The following FANCI variants were observed in gnomAD, a reference collection of about 807,000 sequenced individuals.
FANCI encodes the protein FA complementation group I, also known as Fanconi anemia group I protein.
A neutral mutation model predicts 176.1 loss-of-function variants in FANCI; 156 were observed. The ratio of observed to expected loss-of-function variants is 0.89; its 90% CI spans 0.78 to 1.01. The LOEUF is 1.01. Among genes scored for constraint, FANCI ranks in the 50% least tolerant of loss-of-function variants. FANCI has a pLI of 0.00. For synonymous variants in FANCI, 613 were observed against 541.7 expected, an observed-to-expected ratio of 1.13 and a Z score of -1.83; for missense variants, 1,678 against 1,534.1, an observed-to-expected ratio of 1.09 and a Z score of -1.57.
chr15:89,294,343 G>C lies in FANCI; in HGVS notation c.2456+346G>C, dbSNP rs1247670197. Among the ~76,000 whole-genome samples the C allele has an allele frequency of 5.3e-5, 8 of 152,060 alleles. No homozygotes were observed. The East Asian group carries it at 1.5e-3, about 29-fold the overall frequency. On this transcript the variant is annotated intron_variant, in intron 23 of 37. Coordinates refer to ENST00000310775, the MANE Select transcript of FANCI (RefSeq NM_001113378.2). ...CTCACTCCTGTAATCCCAGTACTTTGGTAGACTGAGGTGGGTGGATCACCT... is the reference window on the plus strand; with the variant it reads ...CTCACTCCTGTAATCCCAGTACTTTCGTAGACTGAGGTGGGTGGATCACCT...
At chr15:89,278,881 A>G (rs2053504389) in intron 14 of FANCI, 107 bp downstream of exon 14, 4 of 787,260 alleles carry the variant, frequency 5.1e-6, no homozygotes, top group East Asian at 5.3e-5. Context: ...TAAATGCAGT[A>G]TCTTTGATAG....
intron 31 of FANCI, 130 bp from the exon 32 acceptor site, chr15:89,305,877 C>A: frequency 1.9e-6 from 2 of 1,070,180 alleles, no homozygotes; most frequent in Non-Finnish European, 2.8e-6. Flanking sequence ...ACGATTAATT[C>A]ACTCTGCATA....
chr15:89,280,717 T>C (rs921106698), intron 14 of FANCI, among the ~76,000 whole-genome samples: 1 of 152,218 alleles, frequency 6.6e-6, no homozygotes, highest in Non-Finnish European at 1.5e-5. Flanking sequence ...TGCTCTGTGA[T>C]TTACCTCTTT....
At chr15:89,305,738 G>C (rs2151919833) in intron 31 of FANCI, 40 bp downstream of exon 31, 1 of 1,589,346 alleles carries the variant, frequency 6.3e-7, no homozygotes, top group East Asian at 2.2e-5. Flanking sequence ...ATTGACATGA[G>C]CAAGGTCAAA....
At chr15:89,314,502 G>T in intron 35 of FANCI, 110 bp from the exon 36 acceptor site, 1 of 827,408 alleles carries the variant, frequency 1.2e-6, no homozygotes. Context: ...TTGATTGGGA[G>T]ACAGACTAGT....
chr15:89,264,331 C>CT, intron 8 of FANCI, among the ~76,000 whole-genome samples, 191 bp from the exon 9 acceptor site: 1 of 152,156 alleles, frequency 6.6e-6, no homozygotes, highest in Non-Finnish European at 1.5e-5. Flanking sequence ...CCCATAAATT[C>CT]TTACAGTAAG....
intron 3 of FANCI, chr15:89,259,124 T>G (rs1016536647): frequency 1.3e-5 from 4 of 302,552 alleles, no homozygotes; most frequent in Non-Finnish European, 2.6e-5. Flanking sequence ...AAGTAACCTC[T>G]GGGGTTTAAT....
At chr15:89,293,342 T>C (rs2054135243) in intron 22 of FANCI, among the ~76,000 whole-genome samples, 1 of 152,100 alleles carries the variant, frequency 6.6e-6, no homozygotes, top group South Asian at 2.1e-4. Context: ...ACATGGAAAT[T>C]TTGATTGGTG....
chr15:89,253,969 A>G (rs1485859190), intron 2 of FANCI, among the ~76,000 whole-genome samples: 2 of 152,190 alleles, frequency 1.3e-5, no homozygotes, highest in Non-Finnish European at 2.9e-5. Context: ...CTGGGATTAC[A>G]GGCAGGAGCC....
rs2054161363 is a variant in FANCI, at chr15:89,293,970, T to C, written c.2429T>C (p.Val810Ala). ...TSDSLLSMKF[V>A]SSLLTALFRD... ...GATAGTCTTTTGTCCATGAAATTTG[T>C]GTCCAGTCTTCTCACTGCTCTTTTC... The change falls in exon 23 of 38, where the codon GTG becomes GCG. Residue 810 changes from valine (V) to alanine (A), a missense_variant. Physicochemically the swap from Val to Ala is moderately conservative, Grantham distance 64 (BLOSUM62 0). This residue lies in a region of FANCI where 1,204 missense variants were observed against 1,077.4 expected (regional missense o/e 1.12). Transcript: ENST00000310775. The C allele has an allele frequency of 3.7e-6, 6 of 1,614,192 alleles. No individual in the cohort carries two copies. Among genetic ancestry groups the C allele is most frequent in the Non-Finnish European group, 5.1e-6 (6 of 1,180,028 alleles).
At position 89,294,920 on chromosome 15, in the gene FANCI, G is replaced by C; in HGVS notation, c.2462G>C (p.Ser821Thr). Residue 821 changes from serine (S) to threonine (T), a missense_variant, in exon 24 of 38, where the codon AGT (serine) becomes ACT (threonine). Around this residue, in one of 3 missense-constraint regions of FANCI, gnomAD observed 1,204 missense variants for 1,077.4 expected, o/e 1.12. Transcript: ENST00000310775. Reference sequence around the variant, plus strand: ...CTCTCTCTGTCTCTCTCTAGGGATAGTATCCAAAGCCACCAAGAAAGCCTT... The same window carrying C: ...CTCTCTCTGTCTCTCTCTAGGGATACTATCCAAAGCCACCAAGAAAGCCTT... ...SSLLTALFRD[S>T]IQSHQESLSV... 1 of 1,552,086 alleles carries C rather than the reference G, an allele frequency of 6.4e-7. No individual in the cohort carries two copies. Among genetic ancestry groups the C allele is most frequent in the East Asian group, 2.4e-5 (1 of 40,914 alleles).
chr15:89,283,292 T>C (rs752028377), intron 17 of FANCI, 42 bp downstream of exon 17: 49 of 1,612,682 alleles, frequency 3.0e-5, no homozygotes, highest in African/African-American at 1.1e-4. Context: ...TGCGTATCAT[T>C]CATGTGCATC....
At position 89,273,467 on chromosome 15, in the gene FANCI, C is replaced by T. The variant is rs1320954156; in HGVS notation, c.973C>T (p.Gln325Ter). ...AACAAGAATACAAAGATTTCAGGAC[C>T]AGGTATTTTTTTAAAATGCCATTTT... ...SVTRIQRFQD[Q>*]VLDLLKTSVV... Residue 325 changes from glutamine (Q) to a stop codon, truncating the protein, a stop_gained and splice_region_variant, in exon 11 of 38, where the codon CAG becomes TAG. Transcript: ENST00000310775. LOFTEE classifies it high-confidence loss of function. 1 of 1,538,332 alleles carries T rather than the reference C, an allele frequency of 6.5e-7. No individual in the cohort carries two copies. The highest frequency in any genetic ancestry group is 2.3e-5 in the East Asian group (1 of 44,314).
Position 89,253,243 on chromosome 15 carries a change from A to G in FANCI, c.85-5461A>G, listed in dbSNP as rs151090280. On this transcript the variant is annotated intron_variant, in intron 2 of 37. Transcript: ENST00000310775. Reference sequence around the variant, plus strand: ...ATAAAGATAATCTTTGACAAATGATATTGGAACAACTGGATGGACATTTGG... The same window carrying G: ...ATAAAGATAATCTTTGACAAATGATGTTGGAACAACTGGATGGACATTTGG... Among the ~76,000 whole-genome samples the G allele has an allele frequency of 1.6e-4, 25 of 152,356 alleles. No homozygotes were observed. In the East Asian group the frequency reaches 2.7e-3, roughly 16 times the overall value.
intron 32 of FANCI, 73 bp downstream of exon 32, chr15:89,306,267 AG>A: frequency 1.4e-6 from 2 of 1,445,326 alleles, no homozygotes; most frequent in South Asian, 2.3e-5. Flanking sequence ...ATGGGGCAGC[AG>A]CCCACTGCTG....
Position 89,293,857 on chromosome 15 carries a change from G to C in FANCI, c.2316G>C (p.Leu772=). ...SFSKNRFEDI[L]SLFMCYKKLS... ...GTAAGAATAGGTTTGAGGACATTCT[G>C]AGCTTATTTATGTGTTACAAAAAAC... Residue 772 remains leucine, a synonymous_variant, in exon 23 of 38, where the codon CTG becomes CTC. Coordinates refer to ENST00000310775, the MANE Select transcript of FANCI (RefSeq NM_001113378.2). 6.2e-7 allele frequency: 1 copy of C among 1,614,044 alleles called. No individual in the cohort carries two copies. The highest frequency in any genetic ancestry group is 8.5e-7 in the Non-Finnish European group (1 of 1,180,014).
intron 37 of FANCI, among the ~76,000 whole-genome samples, chr15:89,316,123 T>G (rs1345804227): frequency 6.6e-6 from 1 of 152,242 alleles, no homozygotes; most frequent in Non-Finnish European, 1.5e-5. Context: ...AGCATTTTGA[T>G]GTCAATGGCT....
intron 32 of FANCI, among the ~76,000 whole-genome samples, chr15:89,306,473 CCT>C (rs1223867048): frequency 6.6e-6 from 1 of 152,120 alleles, no homozygotes; most frequent in African/African-American, 2.4e-5. Flanking sequence ...GGGCGGATCA[CCT>C]GAGGTCAGGA....
chr15:89,314,535 T>G, intron 35 of FANCI, 77 bp from the exon 36 acceptor site: 1 of 1,070,690 alleles, frequency 9.3e-7, no homozygotes. Context: ...CCATACAGTT[T>G]TGTAAGTGAC....
Sources: allele counts gnomAD v4.1 joint callset (sites outside exome capture counted in the v4.1 genomes callset), GRCh38; gene constraint gnomAD v4.1.1; regional missense constraint gnomAD v4.1.1; transcripts MANE v1.5; gene names NCBI Gene and HGNC (gene_info 2026-07-23, HGNC 2026-07-21).